Variants in H1-5 observed in about 807,000 individuals in gnomAD.
H1-5 encodes histone H1.5.
Under a neutral mutation model 4.6 loss-of-function variants are expected in H1-5, and 3 were observed. That is an observed-to-expected ratio of 0.65 (90% CI 0.30 to 1.68). H1-5 has a LOEUF of 1.68. Among genes scored for constraint, H1-5 ranks in the 40% most tolerant of loss-of-function variants. H1-5 has a pLI of 0.10. For synonymous variants in H1-5, 250 were observed against 123.4 expected, an observed-to-expected ratio of 2.03 and a Z score of -6.80; for missense variants, 521 against 287.9, an observed-to-expected ratio of 1.81 and a Z score of -5.86.
chr6:27,867,310 AG>A lies in H1-5; in HGVS notation c.219del (p.Tyr74ThrfsTer18). The A allele has an allele frequency of 6.2e-7, 1 of 1,614,248 alleles. No homozygotes were observed. Among genetic ancestry groups the A allele is most frequent in the Admixed American group, 1.7e-5 (1 of 60,034 alleles). On this transcript the variant is annotated frameshift_variant, in exon 1 of 1. Coordinates refer to ENST00000331442, the MANE Select transcript of H1-5 (RefSeq NM_005322.3). LOFTEE classifies it high-confidence loss of function. ...AALKKALAAG[G>X]YDVEKNNSRI... is the part of the protein sequence containing the mutation. The stretch of plus-strand genomic sequence containing the variant: ...CGGCTGTTATTCTTCTCCACGTCGT[AG>A]CCACCGGCCGCTAAGGCCTTCTTAA...
chr6:27,867,402 A>G lies in H1-5; in HGVS notation c.128T>C (p.Val43Ala), dbSNP rs1187340847. 19 of 1,613,966 alleles carry G rather than the reference A, an allele frequency of 1.2e-5. No homozygotes were observed. The highest frequency in any genetic ancestry group is 5.3e-5 in the African/African-American group (4 of 74,912). ...AAKRKATGPP[V>A]SELITKAVAA... is the part of the protein sequence containing the mutation. The stretch of plus-strand genomic sequence containing the variant: ...CACAGCCTTGGTGATCAGCTCTGAG[A>G]CTGGGGGCCCCGTCGCTTTGCGCTT... The change falls in exon 1 of 1, where the codon GTC (valine) becomes GCC (alanine). Residue 43 changes from valine (V) to alanine (A), a missense_variant. By Grantham distance (64) the Val-to-Ala change is moderately conservative. Transcript: ENST00000331442.
rs1291269300 is a variant in H1-5 at position 27,867,496 on chromosome 6, G to C, written c.34C>G (p.Pro12Ala). 2 of 1,569,458 alleles carry C rather than the reference G, an allele frequency of 1.3e-6. No individual in the cohort carries two copies. The highest frequency in any genetic ancestry group is 1.7e-6 in the Non-Finnish European group (2 of 1,161,948). The change falls in exon 1 of 1, where the codon CCA becomes GCA. Residue 12 changes from proline (P) to alanine (A), a missense_variant. Coordinates refer to ENST00000331442, the MANE Select transcript of H1-5 (RefSeq NM_005322.3). Reference protein sequence around the residue: ...SETAPAETATPAPVEKSPAKK... With the variant: ...SETAPAETATAAPVEKSPAKK... The stretch of plus-strand genomic sequence containing the variant: ...GCCGGGGATTTCTCCACCGGCGCTG[G>C]GGTGGCTGTCTCGGCAGGAGCGGTT...
Position 27,866,955 on chromosome 6 carries a change from T to C in H1-5, c.575A>G (p.Lys192Arg), listed in dbSNP as rs138216701. 6.9e-5 allele frequency: 111 copies of C among 1,614,236 alleles called. No individual in the cohort carries two copies. The highest frequency in any genetic ancestry group is 8.7e-5 in the Non-Finnish European group (103 of 1,180,034). ...KPKKATKSPA[K>R]PKAVKPKAAK... is the part of the protein sequence containing the mutation. ...CGCCTTCGGCTTAACTGCCTTGGGC[T>C]TGGCAGGACTCTTGGTTGCCTTTTT... Residue 192 changes from lysine to arginine, a missense_variant, in exon 1 of 1, where the codon AAG becomes AGG. By Grantham distance (26) the Lys-to-Arg change is conservative (BLOSUM62 2). Coordinates refer to ENST00000331442, the MANE Select transcript of H1-5 (RefSeq NM_005322.3).
chr6:27,867,009 G>A lies in H1-5; in HGVS notation c.521C>T (p.Pro174Leu). The change falls in exon 1 of 1, where the codon CCT becomes CTT. Residue 174 changes from proline to leucine, a missense_variant. Transcript: ENST00000331442. ...TTTGGCAGCGGCCTTGGCCTTCTTA[G>A]GGCTCTTCGCCACCTTTTTGACGCC... ...AAGVKKVAKS[P>L]KKAKAAAKPK... 3.7e-6 allele frequency: 6 copies of A among 1,614,164 alleles called. No homozygotes were observed. Among genetic ancestry groups the A allele is most frequent in the East Asian group, 2.2e-5 (1 of 44,872 alleles).
Position 27,866,886 on chromosome 6 carries a change from G to A in H1-5, c.644C>T (p.Ala215Val), listed in dbSNP as rs762792203. The A allele has an allele frequency of 1.9e-6, 3 of 1,605,504 alleles. No individual in the cohort carries two copies. The highest frequency in any genetic ancestry group is 2.7e-5 in the African/African-American group (2 of 74,138). ...GGCAGCCGCCTTCTTGGCCTTTGCA[G>A]CTTTAGGTTTTGCTGCTTTGGGCTT... ...AAKPKAAKPK[A>V]AKAKKAAAKK... The change falls in exon 1 of 1, where the codon GCT (alanine) becomes GTT (valine). Residue 215 changes from alanine (A) to valine (V), a missense_variant. Coordinates refer to ENST00000331442, the MANE Select transcript of H1-5 (RefSeq NM_005322.3).
In H1-5 at chr6:27,867,575, G is replaced by C; in HGVS notation, c.-46C>G. ...AGAGAATAAGCTCGAAATCTAAAGA[G>C]CAGGTTTTGCGTTGCTGCTATGCTC... On this transcript the variant is annotated 5_prime_UTR_variant, in exon 1 of 1. Transcript: ENST00000331442. 6.7e-7 allele frequency: 1 copy of C among 1,501,108 alleles called. No homozygotes were observed. The highest frequency in any genetic ancestry group is 2.3e-5 in the East Asian group (1 of 43,876). The allele number at this position is 1,501,108 out of a possible 1,614,324, so 93.0% of individuals were successfully genotyped here. A position where few individuals can be genotyped will look rare whatever the true frequency, so the allele number is the denominator to read the frequency against.
At position 27,866,999 on chromosome 6, in the gene H1-5, G is replaced by A. The variant is rs1581484036; in HGVS notation, c.531C>T (p.Ala177=). 7 of 1,614,190 alleles carry A rather than the reference G, an allele frequency of 4.3e-6. No individual in the cohort carries two copies. The highest frequency in any genetic ancestry group is 2.2e-5 in the South Asian group (2 of 91,064). Residue 177 remains alanine (A), a synonymous_variant, in exon 1 of 1, where the codon GCC becomes GCT. Transcript: ENST00000331442. ...CCTTTTTCGGTTTGGCAGCGGCCTT[G>A]GCCTTCTTAGGGCTCTTCGCCACCT... is the stretch of plus-strand genomic sequence containing the variant. ...VKKVAKSPKK[A]KAAAKPKKAT... is the part of the protein sequence containing the mutation.
chr6:27,866,812 C>T lies in H1-5; in HGVS notation c.*37G>A. The T allele has an allele frequency of 6.5e-7, 1 of 1,532,622 alleles. No individual in the cohort carries two copies. Among genetic ancestry groups the T allele is most frequent in the Non-Finnish European group, 8.8e-7 (1 of 1,141,958 alleles). 94.9% of individuals were successfully genotyped at this position (1,532,622 alleles called of 1,614,324 possible). On this transcript the variant is annotated 3_prime_UTR_variant, in exon 1 of 1. Coordinates refer to ENST00000331442, the MANE Select transcript of H1-5 (RefSeq NM_005322.3). ...GTCTCTGGGTGGCTCTGAAAAGAGC[C>T]TTTGGGGCTTTGTTGCGGTTTTCAC...
chr6:27,867,433 C>A lies in H1-5; in HGVS notation c.97G>T (p.Ala33Ser). Reference sequence around the variant, plus strand: ...GGCCCCGTCGCTTTGCGCTTAGCAGCGCCGGCGCCGGCAGCCTTCTTAGTT... The same window carrying A: ...GGCCCCGTCGCTTTGCGCTTAGCAGAGCCGGCGCCGGCAGCCTTCTTAGTT... ...KATKKAAGAG[A>S]AKRKATGPPV... The change falls in exon 1 of 1, where the codon GCT becomes TCT. Residue 33 changes from alanine to serine, a missense_variant. By Grantham distance (99) the Ala-to-Ser change is moderately conservative. Transcript: ENST00000331442. 1 of 1,610,064 alleles carries A rather than the reference C, an allele frequency of 6.2e-7. No individual in the cohort carries two copies. Among genetic ancestry groups the A allele is most frequent in the Non-Finnish European group, 8.5e-7 (1 of 1,178,268 alleles).
In H1-5 at chr6:27,866,877, G is replaced by A. The variant is rs775091070; in HGVS notation, c.653C>T (p.Ala218Val). Residue 218 changes from alanine to valine, a missense_variant, in exon 1 of 1, where the codon GCC (alanine) becomes GTC (valine). Coordinates refer to ENST00000331442, the MANE Select transcript of H1-5 (RefSeq NM_005322.3). The part of the protein sequence containing the change: ...PKAAKPKAAK[A>V]KKAAAKKK The stretch of plus-strand genomic sequence containing the variant: ...CTTCTTTTTGGCAGCCGCCTTCTTG[G>A]CCTTTGCAGCTTTAGGTTTTGCTGC... The A allele has an allele frequency of 3.8e-6, 6 of 1,599,152 alleles. No homozygotes were observed. Among genetic ancestry groups the A allele is most frequent in the Non-Finnish European group, 5.1e-6 (6 of 1,176,062 alleles).
rs750623047 is a variant in H1-5 at position 27,866,903 on chromosome 6, T to C, written c.627A>G (p.Lys209=). Residue 209 remains lysine, a synonymous_variant, in exon 1 of 1, where the codon AAA becomes AAG. Coordinates refer to ENST00000331442, the MANE Select transcript of H1-5 (RefSeq NM_005322.3). ...CCTTTGCAGCTTTAGGTTTTGCTGC[T>C]TTGGGCTTAGCGGCTTTGGGCTTTG... ...KAAKPKAAKP[K]AAKPKAAKAK... The C allele has an allele frequency of 2.5e-6, 4 of 1,612,136 alleles. No homozygotes were observed. Among genetic ancestry groups the C allele is most frequent in the South Asian group, 2.2e-5 (2 of 90,780 alleles).
Position 27,867,339 on chromosome 6 carries a change from G to A in H1-5, c.191C>T (p.Ala64Val), listed in dbSNP as rs1414326744. 2.5e-6 allele frequency: 4 copies of A among 1,614,250 alleles called. No individual in the cohort carries two copies. The highest frequency in any genetic ancestry group is 3.4e-6 in the Non-Finnish European group (4 of 1,180,044). The change falls in exon 1 of 1, where the codon GCC (alanine) becomes GTC (valine). Residue 64 changes from alanine to valine, a missense_variant. By Grantham distance (64) the Ala-to-Val change is moderately conservative. Transcript: ENST00000331442. ...SKERNGLSLA[A>V]LKKALAAGGY... ...ACCGGCCGCTAAGGCCTTCTTAAGG[G>A]CTGCCAAAGAAAGGCCATTGCGCTC...
Position 27,866,908 on chromosome 6 carries a change from G to C in H1-5, c.622C>G (p.Pro208Ala). The C allele has an allele frequency of 6.2e-7, 1 of 1,613,034 alleles. No homozygotes were observed. The highest frequency in any genetic ancestry group is 1.3e-5 in the African/African-American group (1 of 74,862). ...GCAGCTTTAGGTTTTGCTGCTTTGG[G>C]CTTAGCGGCTTTGGGCTTTGCCGCC... ...PKAAKPKAAK[P>A]KAAKPKAAKA... Residue 208 changes from proline (P) to alanine (A), a missense_variant, in exon 1 of 1, where the codon CCC becomes GCC. Physicochemically the swap from Pro to Ala is conservative, Grantham distance 27 (BLOSUM62 -1). Transcript: ENST00000331442.
rs34144478 is a variant in H1-5, at chr6:27,866,899, C to T, written c.631G>A (p.Ala211Thr). The T allele has an allele frequency of 0.051, 81,803 of 1,607,984 alleles. 2,467 individuals are homozygous for T. Among genetic ancestry groups the T allele is most frequent in the Non-Finnish European group, 0.06 (70,897 of 1,178,314 alleles). ...AKPKAAKPKAAKPKAAKAKKA... is the reference protein window; with the variant it reads ...AKPKAAKPKATKPKAAKAKKA... ...TTGGCCTTTGCAGCTTTAGGTTTTG[C>T]TGCTTTGGGCTTAGCGGCTTTGGGC... Residue 211 changes from alanine (A) to threonine (T), a missense_variant, in exon 1 of 1, where the codon GCA becomes ACA. Ala to Thr is a moderately conservative substitution (Grantham distance 58). Transcript: ENST00000331442.
In H1-5 at chr6:27,867,563, G is replaced by A. The variant is rs752230992; in HGVS notation, c.-34C>T. On this transcript the variant is annotated 5_prime_UTR_variant, in exon 1 of 1. Transcript: ENST00000331442. The stretch of plus-strand genomic sequence containing the variant: ...GAAACTGCTAGAAGAGAATAAGCTC[G>A]AAATCTAAAGAGCAGGTTTTGCGTT... The A allele has an allele frequency of 6.0e-6, 9 of 1,512,234 alleles. No homozygotes were observed. The highest frequency in any genetic ancestry group is 2.7e-5 in the South Asian group (2 of 74,010). 93.7% of individuals were successfully genotyped at this position (1,512,234 alleles called of 1,614,324 possible).
chr6:27,866,924 C>A lies in H1-5; in HGVS notation c.606G>T (p.Lys202Asn). The change falls in exon 1 of 1, where the codon AAG becomes AAT. Residue 202 changes from lysine (K) to asparagine (N), a missense_variant. Lys to Asn is a moderately conservative substitution (Grantham distance 94). Coordinates refer to ENST00000331442, the MANE Select transcript of H1-5 (RefSeq NM_005322.3). ...CTGCTTTGGGCTTAGCGGCTTTGGG[C>A]TTTGCCGCCTTCGGCTTAACTGCCT... Reference protein sequence around the residue: ...KPKAVKPKAAKPKAAKPKAAK... With the variant: ...KPKAVKPKAANPKAAKPKAAK... 1 of 1,613,948 alleles carries A rather than the reference C, an allele frequency of 6.2e-7. No individual in the cohort carries two copies. The highest frequency in any genetic ancestry group is 8.5e-7 in the Non-Finnish European group (1 of 1,179,934).
In H1-5 at chr6:27,867,564, A is replaced by G; in HGVS notation, c.-35T>C. The G allele has an allele frequency of 6.6e-7, 1 of 1,513,416 alleles. No individual in the cohort carries two copies. The highest frequency in any genetic ancestry group is 8.8e-7 in the Non-Finnish European group (1 of 1,132,334). 93.7% of individuals were successfully genotyped at this position (1,513,416 alleles called of 1,614,324 possible). On this transcript the variant is annotated 5_prime_UTR_variant, in exon 1 of 1. Transcript: ENST00000331442. ...AAACTGCTAGAAGAGAATAAGCTCG[A>G]AATCTAAAGAGCAGGTTTTGCGTTG... is the stretch of plus-strand genomic sequence containing the variant.
Position 27,867,444 on chromosome 6 carries a change from G to A in H1-5, c.86C>T (p.Ala29Val). Reference protein sequence around the residue: ...PAKKKATKKAAGAGAAKRKAT... With the variant: ...PAKKKATKKAVGAGAAKRKAT... ...TTTGCGCTTAGCAGCGCCGGCGCCG[G>A]CAGCCTTCTTAGTTGCCTTCTTCTT... Residue 29 changes from alanine to valine, a missense_variant, in exon 1 of 1, where the codon GCC (alanine) becomes GTC (valine). Physicochemically the swap from Ala to Val is moderately conservative, Grantham distance 64. Coordinates refer to ENST00000331442, the MANE Select transcript of H1-5 (RefSeq NM_005322.3). The A allele has an allele frequency of 1.9e-6, 3 of 1,609,118 alleles. No homozygotes were observed. Among genetic ancestry groups the A allele is most frequent in the Non-Finnish European group, 2.5e-6 (3 of 1,177,820 alleles).
At position 27,866,915 on chromosome 6, in the gene H1-5, G is replaced by A. The variant is rs1761521226; in HGVS notation, c.615C>T (p.Ala205=). Residue 205 remains alanine (A), a synonymous_variant, in exon 1 of 1, where the codon GCC becomes GCT. Coordinates refer to ENST00000331442, the MANE Select transcript of H1-5 (RefSeq NM_005322.3). Reference sequence around the variant, plus strand: ...TAGGTTTTGCTGCTTTGGGCTTAGCGGCTTTGGGCTTTGCCGCCTTCGGCT... The same window carrying A: ...TAGGTTTTGCTGCTTTGGGCTTAGCAGCTTTGGGCTTTGCCGCCTTCGGCT... ...AVKPKAAKPK[A]AKPKAAKPKA... 2 of 1,613,002 alleles carry A rather than the reference G, an allele frequency of 1.2e-6. No individual in the cohort carries two copies. The highest frequency in any genetic ancestry group is 4.5e-5 in the East Asian group (2 of 44,866).
Sources: gnomAD v4.1 joint callset for allele counts on GRCh38, gnomAD v4.1.1 for gene constraint, MANE v1.5 for transcripts, NCBI Gene and HGNC (gene_info 2026-07-23, HGNC 2026-07-21) for gene names.